Variants in TOM1L1 observed in about 807,000 individuals in gnomAD.
The protein encoded by TOM1L1 is target of myb1 like 1 membrane trafficking protein, also known as TOM1-like protein 1.
A neutral mutation model predicts 63.4 loss-of-function variants in TOM1L1; 64 were observed. The ratio of observed to expected loss-of-function variants is 1.01; its 90% confidence interval spans 0.83 to 1.24. TOM1L1 has a LOEUF of 1.24. TOM1L1 is among the 50% of genes most tolerant of loss of function. TOM1L1 has a pLI of 0.00. For missense variants in TOM1L1, 536 were observed against 567.0 expected, an observed-to-expected ratio of 0.95 and a Z score of 0.55; for synonymous variants, 166 against 194.4, an observed-to-expected ratio of 0.85 and a Z score of 1.22.
At chr17:54,906,083 T>C (rs1399624859) in intron 3 of TOM1L1, among the ~76,000 whole-genome samples, 1 of 152,004 alleles carries the variant, frequency 6.6e-6, no homozygotes, top group Non-Finnish European at 1.5e-5. Context: ...GGCAGGACAA[T>C]CACTTGAGCC....
chr17:54,932,609 CGG>C (rs1555610514), intron 8 of TOM1L1, among the ~76,000 whole-genome samples: 1 of 151,978 alleles, frequency 6.6e-6, no homozygotes, highest in Non-Finnish European at 1.5e-5. Context: ...TTAGTAGAAA[CGG>C]GGTTTCACCA....
chr17:54,902,800 T>C (rs565359674), intron 1 of TOM1L1, among the ~76,000 whole-genome samples: 5 of 152,352 alleles, frequency 3.3e-5, no homozygotes, highest in African/African-American at 1.2e-4. Context: ...GATAACATCT[T>C]GTATTCTTAA....
intron 15 of TOM1L1, 43 bp from the exon 16 acceptor site, chr17:54,961,192 A>G (rs1174759187): frequency 1.6e-6 from 2 of 1,276,186 alleles, no homozygotes; most frequent in Non-Finnish European, 2.2e-6. Context: ...GGGGAAAGAG[A>G]AGGACAGGAT....
At chr17:54,924,623 T>A (rs1388838263) in intron 7 of TOM1L1, among the ~76,000 whole-genome samples, 1 of 152,218 alleles carries the variant, frequency 6.6e-6, no homozygotes, top group African/African-American at 2.4e-5. Flanking sequence ...ACTCACAGTG[T>A]CTGACGCTTT....
At chr17:54,944,811 T>C (rs1374048256) in intron 11 of TOM1L1, among the ~76,000 whole-genome samples, 4 of 152,242 alleles carry the variant, frequency 2.6e-5, no homozygotes, top group Non-Finnish European at 5.9e-5. Context: ...TGTGGTTCTG[T>C]CTGCTTTAAA....
chr17:54,961,153 C>T (rs2077113145), intron 15 of TOM1L1, 82 bp from the exon 16 acceptor site: 2 of 978,180 alleles, frequency 2.0e-6, no homozygotes, highest in East Asian at 5.2e-5. Context: ...TCCAGCTTCC[C>T]AGTAAAGACA....
Position 54,926,387 on chromosome 17 carries a change from A to T in TOM1L1, c.721-3686A>T, listed in dbSNP as rs145949034. On this transcript the variant is annotated intron_variant, in intron 7 of 15. Transcript: ENST00000575882. ...TGTATTTGCTTTCTTGGTGTTATGT[A>T]CTCAGCTTTGGGCCACCTTCCTCTT... 2.6e-5 allele frequency among the ~76,000 whole-genome samples: 4 copies of T among 152,200 alleles called. No individual in the cohort carries two copies. In the East Asian group the frequency reaches 7.7e-4, roughly 29 times the overall value.
chr17:54,960,046 C>T (rs1437071911), intron 14 of TOM1L1, among the ~76,000 whole-genome samples: 1 of 152,010 alleles, frequency 6.6e-6, no homozygotes, highest in African/African-American at 2.4e-5. Context: ...CTATGAAATA[C>T]ATACTTTTAA....
intron 4 of TOM1L1, among the ~76,000 whole-genome samples, chr17:54,913,117 A>G (rs1409390709): frequency 6.6e-6 from 1 of 152,224 alleles, no homozygotes; most frequent in African/African-American, 2.4e-5. Flanking sequence ...TGACTAGTTC[A>G]AGGTTACTTG....
chr17:54,958,512 C>T, intron 14 of TOM1L1: 1 of 152,230 alleles, frequency 6.6e-6, no homozygotes, highest in East Asian at 1.9e-4. Context: ...AGGCGGATCG[C>T]CTGAAGTCAG....
chr17:54,910,285 A>G (rs940100079), intron 3 of TOM1L1, among the ~76,000 whole-genome samples: 4 of 152,156 alleles, frequency 2.6e-5, no homozygotes, highest in African/African-American at 9.7e-5. Context: ...GCGAAAACCC[A>G]TGTCTACTAA....
intron 14 of TOM1L1, 46 bp downstream of exon 14, chr17:54,950,172 C>CT: frequency 6.8e-7 from 1 of 1,470,524 alleles, no homozygotes; most frequent in Non-Finnish European, 9.5e-7. Context: ...TCTTGGTTCC[C>CT]TTTGATAGCA....
In TOM1L1 at chr17:54,949,576, C is replaced by T. The variant is rs1218834646; in HGVS notation, c.1241C>T (p.Ala414Val). The T allele has an allele frequency of 6.2e-7, 1 of 1,613,898 alleles. No homozygotes were observed. Among genetic ancestry groups the T allele is most frequent in the African/African-American group, 1.3e-5 (1 of 74,908 alleles). ...LQPVSLQTIA[A>V]APSNQSLPPL... ...CCAGTTAGTCTACAAACCATTGCAG[C>T]AGCACCATCAAACCAGAGTCTGCCA... The change falls in exon 13 of 16, where the codon GCA becomes GTA. Residue 414 changes from alanine to valine, a missense_variant. Physicochemically the swap from Ala to Val is moderately conservative, Grantham distance 64 (BLOSUM62 0). Transcript: ENST00000575882.
intron 14 of TOM1L1, 28 bp from the exon 15 acceptor site, chr17:54,960,538 C>T: frequency 6.3e-7 from 1 of 1,593,458 alleles, no homozygotes; most frequent in African/African-American, 1.3e-5. Context: ...TGATACATAA[C>T]CCTTTTGCTG....
chr17:54,954,778 A>G (rs1479587481), intron 14 of TOM1L1: 4 of 152,164 alleles, frequency 2.6e-5, no homozygotes, highest in Non-Finnish European at 4.4e-5. Flanking sequence ...CCTTTGGCCA[A>G]TTTACATATT....
At chr17:54,930,267 C>A in intron 8 of TOM1L1, 61 bp downstream of exon 8, 2 of 1,603,870 alleles carry the variant, frequency 1.2e-6, no homozygotes, top group South Asian at 2.2e-5. Context: ...ACCAATTACT[C>A]AGCATTCTTA....
intron 11 of TOM1L1, among the ~76,000 whole-genome samples, chr17:54,946,370 A>G (rs1186340044): frequency 6.6e-6 from 1 of 152,058 alleles, no homozygotes; most frequent in Non-Finnish European, 1.5e-5. Context: ...ATAAAGCTGG[A>G]GCTTTAGTTA....
chr17:54,946,372 C>T (rs1428751999), intron 11 of TOM1L1, among the ~76,000 whole-genome samples: 1 of 152,190 alleles, frequency 6.6e-6, no homozygotes, highest in African/African-American at 2.4e-5. Context: ...AAAGCTGGAG[C>T]TTTAGTTACC....
intron 8 of TOM1L1, among the ~76,000 whole-genome samples, chr17:54,935,327 G>A (rs958733684): frequency 1.3e-5 from 2 of 152,062 alleles, no homozygotes; most frequent in African/African-American, 4.8e-5. Flanking sequence ...ATTTCACAAG[G>A]TAATGTCATC....
Sources: allele counts gnomAD v4.1 joint callset (sites outside exome capture counted in the v4.1 genomes callset), GRCh38; gene constraint gnomAD v4.1.1; transcripts MANE v1.5; gene names NCBI Gene and HGNC (gene_info 2026-07-23, HGNC 2026-07-21).